The following PKP4 variants were observed in gnomAD, a reference collection of about 807,000 sequenced individuals.
PKP4 encodes plakophilin 4.
A neutral mutation model predicts 145.1 loss-of-function variants in PKP4; 90 were observed. That is an observed-to-expected ratio of 0.62 (90% confidence interval 0.52 to 0.74). The LOEUF is 0.74. Among genes scored for constraint, PKP4 ranks in the 30% least tolerant of loss-of-function variants. The pLI is 0.00. For synonymous variants in PKP4, 563 were observed against 577.2 expected (o/e 0.98, Z 0.35); for missense variants, 1,340 against 1,482.7 (o/e 0.90, Z 1.58).
chr2:158,609,149 T>C (rs1415792074), intron 4 of PKP4, among the ~76,000 whole-genome samples: 3 of 152,162 alleles, frequency 2.0e-5, no homozygotes, highest in Non-Finnish European at 2.9e-5. Context: ...TAGATGCTAT[T>C]TATAACTTTG....
chr2:158,639,971 A>C (rs1024496160), intron 9 of PKP4, among the ~76,000 whole-genome samples: 9 of 152,066 alleles, frequency 5.9e-5, no homozygotes, highest in Admixed American at 1.3e-4. Flanking sequence ...TGAAATATTA[A>C]CTACTATTTA....
chr2:158,654,146 G>GA (rs1423676248), intron 11 of PKP4, among the ~76,000 whole-genome samples: 1 of 152,184 alleles, frequency 6.6e-6, no homozygotes, highest in African/African-American at 2.4e-5. Flanking sequence ...AAGTGAGGAA[G>GA]AAAAACCAGT....
chr2:158,661,245 TC>T, intron 12 of PKP4, 87 bp from the exon 13 acceptor site: 1 of 940,602 alleles, frequency 1.1e-6, no homozygotes, highest in South Asian at 1.4e-5. Flanking sequence ...CACCTGTTGT[TC>T]GCTCTCTCAG....
intron 4 of PKP4, among the ~76,000 whole-genome samples, chr2:158,619,282 A>C (rs1036483224): frequency 1.3e-5 from 2 of 152,248 alleles, no homozygotes; most frequent in Non-Finnish European, 2.9e-5. Flanking sequence ...GACTCAGCTC[A>C]TGTTTCAACG....
Position 158,490,934 on chromosome 2 carries a change from G to A in PKP4, c.-6+33716G>A, listed in dbSNP as rs911625057. Among the ~76,000 whole-genome samples, 6 of 152,134 alleles carry A rather than the reference G, an allele frequency of 3.9e-5. No individual in the cohort carries two copies. The East Asian group carries it at 7.7e-4, about 20-fold the overall frequency. On this transcript the variant is annotated intron_variant, in intron 1 of 21. Transcript: ENST00000389759. Reference sequence around the variant, plus strand: ...CCCATCTTCTACATCTACCTCCCACGGCCGTAGGCATTTCTAATGTGTTTA... The same window carrying A: ...CCCATCTTCTACATCTACCTCCCACAGCCGTAGGCATTTCTAATGTGTTTA...
intron 1 of PKP4, among the ~76,000 whole-genome samples, chr2:158,506,788 G>A (rs542116429): frequency 4.1e-4 from 62 of 152,312 alleles, no homozygotes; most frequent in African/African-American, 1.4e-3. Context: ...TGAACGGATT[G>A]TTGGAATGGA....
At position 158,631,855 on chromosome 2, in the gene PKP4, C is replaced by T. The variant is rs756415708; in HGVS notation, c.1256C>T (p.Thr419Ile). 1 of 1,614,080 alleles carries T rather than the reference C, an allele frequency of 6.2e-7. No homozygotes were observed. The highest frequency in any genetic ancestry group is 8.5e-7 in the Non-Finnish European group (1 of 1,179,968). Reference sequence around the variant, plus strand: ...ATTACTCCTATATATGAGGGGAGGACCTATTACAGCCCAGTGTACCGCAGC... The same window carrying T: ...ATTACTCCTATATATGAGGGGAGGATCTATTACAGCCCAGTGTACCGCAGC... Reference protein sequence around the residue: ...LHITPIYEGRTYYSPVYRSPN... With the variant: ...LHITPIYEGRIYYSPVYRSPN... Residue 419 changes from threonine (T) to isoleucine (I), a missense_variant, in exon 8 of 22, where the codon ACC becomes ATC. Thr to Ile is a moderately conservative substitution (Grantham distance 89, BLOSUM62 -1). Coordinates refer to ENST00000389759, the MANE Select transcript of PKP4 (RefSeq NM_003628.6).
At chr2:158,472,241 T>C (rs1371345074) in intron 1 of PKP4, among the ~76,000 whole-genome samples, 1 of 152,236 alleles carries the variant, frequency 6.6e-6, no homozygotes, top group East Asian at 1.9e-4. Context: ...TATGTATACT[T>C]CAACATCGTG....
chr2:158,653,997 T>C (rs1221942059), intron 11 of PKP4, among the ~76,000 whole-genome samples: 1 of 152,220 alleles, frequency 6.6e-6, no homozygotes, highest in Non-Finnish European at 1.5e-5. Flanking sequence ...TTAAGAGAGG[T>C]GCTTTTTACT....
chr2:158,659,611 AG>A (rs2056359895), intron 12 of PKP4: 1 of 152,250 alleles, frequency 6.6e-6, no homozygotes, highest in South Asian at 2.1e-4. Flanking sequence ...GGGTCTCTCA[AG>A]GAGTTTAAAT....
intron 17 of PKP4, 86 bp downstream of exon 17, chr2:158,670,001 A>G: frequency 1.9e-6 from 2 of 1,030,578 alleles, no homozygotes; most frequent in Non-Finnish European, 2.8e-6. Context: ...TACCTTTCCT[A>G]TTGGAAAGGA....
chr2:158,632,586 G>T (rs1187757161), intron 8 of PKP4: 1 of 152,048 alleles, frequency 6.6e-6, no homozygotes, highest in Non-Finnish European at 1.5e-5. Flanking sequence ...GGTGTGAGCT[G>T]CCAGGTTGTG....
intron 1 of PKP4, among the ~76,000 whole-genome samples, chr2:158,470,052 A>G (rs943423569): frequency 6.6e-6 from 1 of 152,132 alleles, no homozygotes; most frequent in African/African-American, 2.4e-5. Flanking sequence ...TCTGCTTTGA[A>G]CACTTGTCAC....
In PKP4 at chr2:158,458,655, G is replaced by A. The variant is rs745939845; in HGVS notation, c.-6+1437G>A. ...GTTAGTGCTCACGGGCATGTACTGCGAGAGAGATCTTGAATGCATCACTTT... is the reference window on the plus strand; with the variant it reads ...GTTAGTGCTCACGGGCATGTACTGCAAGAGAGATCTTGAATGCATCACTTT... On this transcript the variant is annotated intron_variant, in intron 1 of 21. Transcript: ENST00000389759. 7.2e-5 allele frequency among the ~76,000 whole-genome samples: 11 copies of A among 152,288 alleles called. No homozygotes were observed. The South Asian group carries it at 8.3e-4, about 11-fold the overall frequency.
chr2:158,672,930 G>A (rs892734710), intron 17 of PKP4, among the ~76,000 whole-genome samples: 1 of 152,186 alleles, frequency 6.6e-6, no homozygotes, highest in Non-Finnish European at 1.5e-5. Context: ...TAAGATTGAA[G>A]TGTTCAGTTG....
chr2:158,663,177 A>T, intron 14 of PKP4, 89 bp downstream of exon 14: 2 of 1,497,036 alleles, frequency 1.3e-6, no homozygotes, highest in South Asian at 2.6e-5. Flanking sequence ...AATTTTCTGC[A>T]TAGCTATAGC....
intron 1 of PKP4, among the ~76,000 whole-genome samples, chr2:158,518,645 C>G (rs956669615): frequency 1.3e-5 from 2 of 152,204 alleles, no homozygotes; most frequent in East Asian, 1.9e-4. Flanking sequence ...AAACCTTCCT[C>G]TGTCATATTT....
In PKP4 at chr2:158,632,038, T is replaced by C. The variant is rs556742065; in HGVS notation, c.1342+97T>C. On this transcript the variant is annotated intron_variant, in intron 8 of 21. Transcript: ENST00000389759. The stretch of plus-strand genomic sequence containing the variant: ...GGTTCCCTGTTAGAAGGAAATCATG[T>C]TGCCCATTTGGTTGTCAGATAAGCA... 399 of 1,106,686 alleles carry C rather than the reference T, an allele frequency of 3.6e-4. 3 individuals carry two copies. Among genetic ancestry groups the C allele is most frequent in the Non-Finnish European group, 3.0e-4 (225 of 749,286 alleles). The allele number at this position is 1,106,686 out of a possible 1,614,324, so 68.6% of individuals were successfully genotyped here. A position where few individuals can be genotyped will look rare whatever the true frequency, so the allele number is the denominator to read the frequency against.
At chr2:158,470,489 TAGAA>T (rs751671257) in intron 1 of PKP4, among the ~76,000 whole-genome samples, 119 of 152,020 alleles carry the variant, frequency 7.8e-4, no homozygotes, top group Non-Finnish European at 1.1e-3. Flanking sequence ...TTTTTTGTGG[TAGAA>T]AGAAAGAAAG....
Sources: gnomAD v4.1 joint callset for allele counts (sites outside exome capture counted in the v4.1 genomes callset) on GRCh38, gnomAD v4.1.1 for gene constraint, MANE v1.5 for transcripts, NCBI Gene and HGNC (gene_info 2026-07-23, HGNC 2026-07-21) for gene names.